ANXA6: variants seen among roughly 807,000 people sequenced by gnomAD.
ANXA6 encodes the protein 67 kDa calelectrin.
ANXA6 carries 71 observed loss-of-function variants against 95.4 expected under a neutral mutation model. The observed-to-expected ratio is 0.74, with a 90% CI of 0.61 to 0.91. ANXA6 has a LOEUF of 0.91. Ranked by LOEUF, ANXA6 falls within the 40% of genes least tolerant of loss-of-function variation. The probability of loss-of-function intolerance (pLI) is 0.00; values close to 1 mark genes in which losing one functional copy is unlikely to be tolerated. For synonymous variants in ANXA6, 289 were observed against 315.9 expected (o/e 0.91, Z 0.90); for missense variants, 830 against 876.4 (o/e 0.95, Z 0.67).
intron 2 of ANXA6, 80 bp downstream of exon 2, chr5:151,147,804 G>A (rs992555715): frequency 3.4e-6 from 5 of 1,486,188 alleles, no homozygotes; most frequent in Non-Finnish European, 2.8e-6. Context: ...AGGGGTCTCT[G>A]TAGCAGGCCT....
chr5:151,123,082 G>C, intron 15 of ANXA6, 71 bp from the exon 16 acceptor site: 1 of 1,288,924 alleles, frequency 7.8e-7, no homozygotes, highest in South Asian at 1.2e-5. Flanking sequence ...ACCGCCCACT[G>C]ATGGCCCCTC....
intron 8 of ANXA6, 100 bp downstream of exon 8, chr5:151,134,327 A>T: frequency 1.7e-6 from 2 of 1,143,058 alleles, no homozygotes; most frequent in East Asian, 2.4e-5. Context: ...CTGGTATTTG[A>T]TGCAAATGAC....
At chr5:151,126,960 G>A (rs377529473) in intron 13 of ANXA6, among the ~76,000 whole-genome samples, 11 of 152,218 alleles carry the variant, frequency 7.2e-5, no homozygotes, top group East Asian at 1.9e-4. Flanking sequence ...CAGGTGATCC[G>A]CCCGCCTCAG....
chr5:151,138,337 T>C (rs1765726547), intron 5 of ANXA6, among the ~76,000 whole-genome samples: 1 of 152,168 alleles, frequency 6.6e-6, no homozygotes, highest in Non-Finnish European at 1.5e-5. Flanking sequence ...CTATTATCCT[T>C]TAAGATGCCC....
At chr5:151,107,432 G>A (rs554012963) in intron 23 of ANXA6, among the ~76,000 whole-genome samples, 59 of 152,290 alleles carry the variant, frequency 3.9e-4, no homozygotes, top group African/African-American at 1.3e-3. Flanking sequence ...TTTATTCGTC[G>A]GGCTATCCCG....
At chr5:151,141,028 T>G (rs148003796) in intron 2 of ANXA6, among the ~76,000 whole-genome samples, 1 of 152,312 alleles carries the variant, frequency 6.6e-6, no homozygotes, top group Non-Finnish European at 1.5e-5. Context: ...CTGGGCCCAG[T>G]AAACTGCGCT....
chr5:151,137,945 A>G (rs1765715085), intron 5 of ANXA6, among the ~76,000 whole-genome samples: 1 of 152,224 alleles, frequency 6.6e-6, no homozygotes, highest in Admixed American at 6.5e-5. Flanking sequence ...AATTCTCTTC[A>G]GAAACTATCT....
intron 12 of ANXA6, among the ~76,000 whole-genome samples, chr5:151,128,554 T>C (rs2113926476): frequency 6.6e-6 from 1 of 152,316 alleles, no homozygotes; most frequent in Admixed American, 6.5e-5. Flanking sequence ...TTCAAGCCAG[T>C]GCCCCAGCAC....
chr5:151,113,210 G>T (rs748479781), intron 20 of ANXA6, among the ~76,000 whole-genome samples: 1 of 152,176 alleles, frequency 6.6e-6, no homozygotes, highest in African/African-American at 2.4e-5. Flanking sequence ...AGACCAGTCT[G>T]GCCAACATGG....
intron 1 of ANXA6, among the ~76,000 whole-genome samples, chr5:151,149,535 G>A (rs746168421): frequency 6.6e-6 from 1 of 152,056 alleles, no homozygotes; most frequent in Non-Finnish European, 1.5e-5. Flanking sequence ...TACCCAGGCT[G>A]GAGTGCAGTG....
intron 13 of ANXA6, among the ~76,000 whole-genome samples, chr5:151,127,930 T>C (rs1765373110): frequency 6.6e-6 from 1 of 152,132 alleles, no homozygotes; most frequent in Non-Finnish European, 1.5e-5. Context: ...CCAGACTGAC[T>C]TTCCAAGTTC....
intron 9 of ANXA6, 122 bp downstream of exon 9, chr5:151,132,972 G>A: frequency 2.5e-6 from 2 of 789,652 alleles, no homozygotes; most frequent in Non-Finnish European, 4.1e-6. Context: ...CAGGACTAAA[G>A]TTTGGGTTGG....
At chr5:151,128,285 C>T (rs760306227) in intron 12 of ANXA6, 46 bp from the exon 13 acceptor site, 20 of 1,531,312 alleles carry the variant, frequency 1.3e-5, no homozygotes, top group Non-Finnish European at 1.7e-5. Context: ...GCCCTGGGCT[C>T]CTCTCAGACA....
At chr5:151,104,442 GCTATGTAAATGTGGGCAACGTTTTACC>G (rs1161981856) in intron 24 of ANXA6, among the ~76,000 whole-genome samples, 1 of 152,240 alleles carries the variant, frequency 6.6e-6, no homozygotes, top group African/African-American at 2.4e-5. Flanking sequence ...CCTCTTAGGA[GCTATGTAAATGTGGGCAACGTTTTACC>G]CTACCTAGGC....
At chr5:151,110,250 C>T (rs1235709722) in intron 21 of ANXA6, among the ~76,000 whole-genome samples, 1 of 152,200 alleles carries the variant, frequency 6.6e-6, no homozygotes, top group Non-Finnish European at 1.5e-5. Context: ...CCAGTGTTTC[C>T]CCAAGCGGGG....
intron 1 of ANXA6, chr5:151,151,331 T>C (rs1192398935): frequency 6.6e-6 from 1 of 152,242 alleles, no homozygotes; most frequent in Non-Finnish European, 1.5e-5. Flanking sequence ...CTAGTGTTTC[T>C]GAATCCCACA....
chr5:151,107,011 T>C (rs1764711042), intron 23 of ANXA6, among the ~76,000 whole-genome samples: 1 of 152,182 alleles, frequency 6.6e-6, no homozygotes, highest in Admixed American at 6.5e-5. Flanking sequence ...TATTCTGGTG[T>C]TAAGAACATG....
At chr5:151,124,252 G>T in intron 15 of ANXA6, 34 bp downstream of exon 15, 1 of 1,603,306 alleles carries the variant, frequency 6.2e-7, no homozygotes, top group Non-Finnish European at 8.5e-7. Flanking sequence ...TGCTGCCCTG[G>T]AGACCAACCC....
In ANXA6 at chr5:151,133,359, G is replaced by A; in HGVS notation, c.547-172C>T. On this transcript the variant is annotated intron_variant, in intron 8 of 25. Coordinates refer to ENST00000354546, the MANE Select transcript of ANXA6 (RefSeq NM_001155.5). Reference sequence around the variant, plus strand: ...TCATTTAATGATGGGGATACATTCTGAGAACTGCCATTGTTAGGCGACTTT... The same window carrying A: ...TCATTTAATGATGGGGATACATTCTAAGAACTGCCATTGTTAGGCGACTTT... 5.2e-6 allele frequency: 3 copies of A among 578,324 alleles called. No individual in the cohort carries two copies. In the Admixed American group the frequency reaches 8.9e-5, roughly 17 times the overall value. The allele number at this position is 578,324 out of a possible 1,614,324, so 35.8% of individuals were successfully genotyped here. A position where few individuals can be genotyped will look rare whatever the true frequency, so the allele number is the denominator to read the frequency against.
Sources: allele counts gnomAD v4.1 joint callset (sites outside exome capture counted in the v4.1 genomes callset), GRCh38; gene constraint gnomAD v4.1.1; transcripts MANE v1.5; gene names NCBI Gene and HGNC (gene_info 2026-07-23, HGNC 2026-07-21).